Variants in CCDC88A observed in about 807,000 individuals in gnomAD.
CCDC88A encodes the protein coiled-coil and HOOK domain protein 88A.
CCDC88A carries 54 observed loss-of-function variants against 234.3 expected under a neutral mutation model. The ratio of observed to expected loss-of-function variants is 0.23; its 90% CI spans 0.19 to 0.29. The LOEUF is 0.29. CCDC88A is among the 10% of genes least tolerant of loss of function. The pLI is 1.00. For missense variants in CCDC88A, 1,832 were observed against 2,123.4 expected (o/e 0.86, Z 2.70); for synonymous variants, 753 against 737.8 (o/e 1.02, Z -0.33).
At chr2:55,365,649 G>A (rs578206079) in intron 5 of CCDC88A, among the ~76,000 whole-genome samples, 17 of 152,106 alleles carry the variant, frequency 1.1e-4, no homozygotes, top group African/African-American at 3.6e-4. Context: ...TAACACACAC[G>A]ATTTCTACTA....
At chr2:55,295,555 T>C (rs371854582) in intron 31 of CCDC88A, 42 bp downstream of exon 31, 81 of 1,614,000 alleles carry the variant, frequency 5.0e-5, no homozygotes, top group Non-Finnish European at 6.6e-5. Flanking sequence ...TGTGTTGGGA[T>C]GTCAAGTATA....
At chr2:55,416,069 C>T (rs987916196) in intron 2 of CCDC88A, among the ~76,000 whole-genome samples, 1 of 151,008 alleles carries the variant, frequency 6.6e-6, no homozygotes, top group Non-Finnish European at 1.5e-5. Context: ...CGAAACCAAC[C>T]CCAAAATGAC....
intron 3 of CCDC88A, among the ~76,000 whole-genome samples, chr2:55,386,380 G>A (rs910993783): frequency 6.6e-6 from 1 of 152,070 alleles, no homozygotes; most frequent in Non-Finnish European, 1.5e-5. Flanking sequence ...CAAGAGGACT[G>A]CTTGAGCCCA....
intron 3 of CCDC88A, among the ~76,000 whole-genome samples, chr2:55,376,189 G>A (rs1673635751): frequency 6.6e-6 from 1 of 152,156 alleles, no homozygotes; most frequent in African/African-American, 2.4e-5. Flanking sequence ...CTGATGATAT[G>A]CAAAGGGTCT....
intron 28 of CCDC88A, 49 bp downstream of exon 28, chr2:55,301,157 C>A: frequency 9.0e-7 from 1 of 1,109,414 alleles, no homozygotes; most frequent in Non-Finnish European, 1.4e-6. Context: ...TCCTAGCATT[C>A]CCATTCTGTA....
Position 55,355,626 on chromosome 2 carries a change from C to T in CCDC88A, c.753G>A (p.Val251=). 6.2e-7 allele frequency: 1 copy of T among 1,614,054 alleles called. No homozygotes were observed. The highest frequency in any genetic ancestry group is 1.1e-5 in the South Asian group (1 of 91,078). ...TCTTGGCTTTAGCATCTGCCAGTTC[C>T]ACCGACAGATGTTGTCGACTTTCTG... The part of the protein sequence containing the change: ...KRTESRQHLS[V]ELADAKAKIR... Residue 251 remains valine, a synonymous_variant, in exon 8 of 33, where the codon GTG becomes GTA. Coordinates refer to ENST00000436346, the MANE Select transcript of CCDC88A (RefSeq NM_001365480.1).
chr2:55,295,831 G>T lies in CCDC88A; in HGVS notation c.5317C>A (p.Pro1773Thr), dbSNP rs1386165718. The change falls in exon 31 of 33, where the codon CCT becomes ACT. Residue 1773 changes from proline to threonine, a missense_variant. Pro to Thr is a conservative substitution (Grantham distance 38). Around this residue, in one of 6 missense-constraint regions of CCDC88A, gnomAD observed 422 missense variants for 416.5 expected, o/e 1.01. Transcript: ENST00000436346. ...DTYFISSAGKPTPGTQGKIKL... is the reference protein window; with the variant it reads ...DTYFISSAGKTTPGTQGKIKL... ...ATTTTTCCTTGAGTGCCTGGTGTAG[G>T]TTTTCCCGCAGAACTAATGAAGTAG... 6.2e-7 allele frequency: 1 copy of T among 1,614,060 alleles called. No individual in the cohort carries two copies.
chr2:55,296,236 G>A (rs1680017439), intron 30 of CCDC88A, 22 bp downstream of exon 30: 2 of 1,603,520 alleles, frequency 1.2e-6, no homozygotes, highest in Non-Finnish European at 8.5e-7. Flanking sequence ...TCTAAATTAA[G>A]GTCATCATAG....
intron 13 of CCDC88A, chr2:55,337,445 A>G (rs982023369): frequency 6.6e-6 from 1 of 152,224 alleles, no homozygotes; most frequent in African/African-American, 2.4e-5. Context: ...TGATTTTCCC[A>G]TTATCATATA....
chr2:55,416,763 G>C (rs1681563886), intron 2 of CCDC88A, among the ~76,000 whole-genome samples: 1 of 151,524 alleles, frequency 6.6e-6, no homozygotes, highest in African/African-American at 2.4e-5. Context: ...TAAGTAAAGT[G>C]CTTAACAGAA....
chr2:55,346,253 T>C lies in CCDC88A; in HGVS notation c.963A>G (p.Arg321=). The C allele has an allele frequency of 1.2e-6, 2 of 1,612,216 alleles. No homozygotes were observed. Among genetic ancestry groups the C allele is most frequent in the Non-Finnish European group, 1.7e-6 (2 of 1,178,492 alleles). Residue 321 remains arginine, a synonymous_variant, in exon 10 of 33, where the codon AGA becomes AGG. Coordinates refer to ENST00000436346, the MANE Select transcript of CCDC88A (RefSeq NM_001365480.1). ...TGACTTCACTTTCAAGCTTATCGAC[T>C]CTGACTGCTTTCTCTCGAAGTGCAT... ...ELDALREKAV[R]VDKLESEVSR... is the part of the protein sequence containing the mutation.
rs995167203 is a variant in CCDC88A at position 55,290,426 on chromosome 2, G to T, written c.*774C>A. 4 of 151,940 alleles carry T rather than the reference G, an allele frequency of 2.6e-5. No homozygotes were observed. Among genetic ancestry groups the T allele is most frequent in the African/African-American group, 9.7e-5 (4 of 41,394 alleles). The allele number at this position is 151,940 out of a possible 1,614,324, so 9.4% of individuals were successfully genotyped here. On this transcript the variant is annotated 3_prime_UTR_variant, in exon 33 of 33. Transcript: ENST00000436346. Reference sequence around the variant, plus strand: ...CAGCTTTATCTTGGGAATGCCATTTGCTGAAAAACCATCTTACTAAAAAAA... The same window carrying T: ...CAGCTTTATCTTGGGAATGCCATTTTCTGAAAAACCATCTTACTAAAAAAA...
chr2:55,312,818 T>C, intron 22 of CCDC88A: 2 of 293,050 alleles, frequency 6.8e-6, no homozygotes. Flanking sequence ...TAATATATAA[T>C]ATATTATCTA....
intron 17 of CCDC88A, chr2:55,323,914 G>A (rs915661017): frequency 1.3e-5 from 2 of 152,268 alleles, no homozygotes; most frequent in African/African-American, 4.8e-5. Flanking sequence ...GTTTCACCAT[G>A]TTGCCCATGC....
At chr2:55,336,932 C>A in intron 13 of CCDC88A, 114 bp from the exon 14 acceptor site, 2 of 580,896 alleles carry the variant, frequency 3.4e-6, no homozygotes, top group Non-Finnish European at 2.8e-6. Flanking sequence ...TATCCAAATG[C>A]TAAAATTTAA....
chr2:55,418,921 A>G lies in CCDC88A; in HGVS notation c.64-5T>C. 6.2e-7 allele frequency: 1 copy of G among 1,612,748 alleles called. No homozygotes were observed. Among genetic ancestry groups the G allele is most frequent in the Non-Finnish European group, 8.5e-7 (1 of 1,178,862 alleles). Reference sequence around the variant, plus strand: ...CAGAGGTCCAAACGTTTTAACCTAGAACAAACAGAAGGATCACCACGACAT... The same window carrying G: ...CAGAGGTCCAAACGTTTTAACCTAGGACAAACAGAAGGATCACCACGACAT... On this transcript the variant is annotated splice_region_variant and splice_polypyrimidine_tract_variant and intron_variant, in intron 1 of 32. Coordinates refer to ENST00000436346, the MANE Select transcript of CCDC88A (RefSeq NM_001365480.1).
At chr2:55,369,530 C>A (rs1399978094) in intron 5 of CCDC88A, among the ~76,000 whole-genome samples, 3 of 151,308 alleles carry the variant, frequency 2.0e-5, no homozygotes, top group Admixed American at 1.3e-4. Flanking sequence ...CAGCTCACTG[C>A]AACCTCCATC....
At position 55,334,520 on chromosome 2, in the gene CCDC88A, T is replaced by G; in HGVS notation, c.2301A>C (p.Arg767Ser). 1 of 1,610,668 alleles carries G rather than the reference T, an allele frequency of 6.2e-7. No individual in the cohort carries two copies. The highest frequency in any genetic ancestry group is 8.5e-7 in the Non-Finnish European group (1 of 1,179,268). The change falls in exon 15 of 33, where the codon AGA becomes AGC. Residue 767 changes from arginine to serine, a missense_variant. Around this residue, in one of 6 missense-constraint regions of CCDC88A, gnomAD observed 1,282 missense variants for 1,543.6 expected, o/e 0.83. Transcript: ENST00000436346. This position sits in a 1 kb window ranked among gnomAD's most constrained non-coding sequence, Gnocchi z 6.1. ...SYQGLDIENQRLQKTLENSNK... is the reference protein window; with the variant it reads ...SYQGLDIENQSLQKTLENSNK... ...TGCTGTTCTCTAAAGTTTTTTGCAG[T>G]CTTTGATTTTCTATATCTAAACCCT... is the stretch of plus-strand genomic sequence containing the variant.
At position 55,372,763 on chromosome 2, in the gene CCDC88A, CTAACTA is replaced by C. The variant is rs145996480; in HGVS notation, c.344-259_344-254del. Among the ~76,000 whole-genome samples, 509 of 152,290 alleles carry C rather than the reference CTAACTA, an allele frequency of 3.3e-3. 3 individuals carry two copies. The highest frequency in any genetic ancestry group is 0.01 in the African/African-American group (432 of 41,570). On this transcript the variant is annotated intron_variant, in intron 4 of 32. Coordinates refer to ENST00000436346, the MANE Select transcript of CCDC88A (RefSeq NM_001365480.1). ...TTCAAGGCTCTGTGCAACAAGTATG[CTAACTA>C]TGAATCTACTCCTTTTCCATAAATG...
Sources: allele counts gnomAD v4.1 joint callset (sites outside exome capture counted in the v4.1 genomes callset), GRCh38; gene constraint gnomAD v4.1.1; regional missense constraint gnomAD v4.1.1; non-coding constraint Gnocchi (gnomAD v3.1); transcripts MANE v1.5; gene names NCBI Gene and HGNC (gene_info 2026-07-23, HGNC 2026-07-21).